Variants in TBCCD1 observed in about 807,000 individuals in gnomAD.
The protein encoded by TBCCD1 is TBCC domain-containing protein 1.
In TBCCD1, 26 loss-of-function variants were observed where a neutral mutation model predicts 53.4. That is an observed-to-expected ratio of 0.49 (90% confidence interval 0.36 to 0.68). The LOEUF is 0.68. Among genes scored for constraint, TBCCD1 ranks in the 30% least tolerant of loss-of-function variants. The pLI is 0.00. For synonymous variants in TBCCD1, 245 were observed against 241.7 expected (o/e 1.01, Z -0.13); for missense variants, 558 against 669.5 (o/e 0.83, Z 1.84).
upstream of TBCCD1, among the ~76,000 whole-genome samples, chr3:186,568,922 AG>A (rs58254119): frequency 0.12 from 18,029 of 146,002 alleles, 1,468 homozygotes; most frequent in African/African-American, 0.2. Flanking sequence ...AAAGAAATAA[AG>A]AAAAGAAAAC....
intron 6 of TBCCD1, chr3:186,553,731 T>C (rs1263942588): frequency 6.2e-6 from 1 of 161,794 alleles, no homozygotes; most frequent in East Asian, 1.9e-4. Context: ...ATTTGCCAAC[T>C]AAACTTTAGC....
At position 186,554,488 on chromosome 3, in the gene TBCCD1, G is replaced by A; in HGVS notation, c.1310C>T (p.Thr437Ile). The A allele has an allele frequency of 6.2e-7, 1 of 1,614,250 alleles. No individual in the cohort carries two copies. Residue 437 changes from threonine to isoleucine, a missense_variant, in exon 6 of 8, where the codon ACA (threonine) becomes ATA (isoleucine). By Grantham distance (89) the Thr-to-Ile change is moderately conservative. Coordinates refer to ENST00000338733, the MANE Select transcript of TBCCD1 (RefSeq NM_018138.5). ...EDHMARTGLA[T>I]VPNYWDNPMV... ...TGGATTATCCCAATAGTTAGGCACT[G>A]TAGCAAGGCCAGTCCTGGCCATATG... is the stretch of plus-strand genomic sequence containing the variant.
chr3:186,568,078 T>C (rs1274528123), upstream of TBCCD1, among the ~76,000 whole-genome samples: 1 of 152,312 alleles, frequency 6.6e-6, no homozygotes, highest in East Asian at 1.9e-4. Context: ...ATTTAGTTCC[T>C]CTTTTGTGTG....
intron 4 of TBCCD1, 36 bp downstream of exon 4, chr3:186,556,373 A>G (rs1714539408): frequency 1.3e-6 from 2 of 1,565,518 alleles, no homozygotes; most frequent in African/African-American, 2.8e-5. Flanking sequence ...TTAAGTTGTC[A>G]TTCAATTTAA....
In TBCCD1 at chr3:186,554,132, G is replaced by C. The variant is rs1462874897; in HGVS notation, c.1544+122C>G. 5 of 1,395,896 alleles carry C rather than the reference G, an allele frequency of 3.6e-6. No individual in the cohort carries two copies. The East Asian group carries it at 6.9e-5, about 19-fold the overall frequency. 86.5% of individuals were successfully genotyped at this position (1,395,896 alleles called of 1,614,324 possible). A position where few individuals can be genotyped will look rare whatever the true frequency, so the allele number is the denominator to read the frequency against. Reference sequence around the variant, plus strand: ...CAAAGTGCTGGGATTATAGGCGTGAGCCACCGCGCCCAGCCTTACATTTTT... The same window carrying C: ...CAAAGTGCTGGGATTATAGGCGTGACCCACCGCGCCCAGCCTTACATTTTT... On this transcript the variant is annotated intron_variant, in intron 6 of 7. Transcript: ENST00000338733.
At chr3:186,566,343 C>G (rs1283522239) in intron 1 of TBCCD1, among the ~76,000 whole-genome samples, 1 of 152,168 alleles carries the variant, frequency 6.6e-6, no homozygotes, top group African/African-American at 2.4e-5. Flanking sequence ...ACCCGGCCTG[C>G]CAACTGTGCC....
chr3:186,549,595 C>T (rs967091347), intron 7 of TBCCD1, among the ~76,000 whole-genome samples: 1 of 152,198 alleles, frequency 6.6e-6, no homozygotes, highest in African/African-American at 2.4e-5. Context: ...GAGTTGGAGG[C>T]TGCAGTGAGC....
At chr3:186,562,601 A>T (rs1475156021) in intron 2 of TBCCD1, among the ~76,000 whole-genome samples, 3 of 152,110 alleles carry the variant, frequency 2.0e-5, no homozygotes, top group Admixed American at 6.6e-5. Context: ...AGTTCTGAAG[A>T]TCTACTCTAC....
At position 186,554,907 on chromosome 3, in the gene TBCCD1, G is replaced by A. The variant is rs1336160231; in HGVS notation, c.1037C>T (p.Ser346Phe). 6 of 1,613,792 alleles carry A rather than the reference G, an allele frequency of 3.7e-6. No individual in the cohort carries two copies. The South Asian group carries it at 5.5e-5, about 15-fold the overall frequency. The change falls in exon 5 of 8, where the codon TCT becomes TTT. Residue 346 changes from serine (S) to phenylalanine (F), a missense_variant. Transcript: ENST00000338733. ...RCNESFIYLL[S>F]PLRSVTIEKC... ...TGAAAACTGTGCTTACCGTAAGGGAGAGAGCAGATATATAAAAGATTCGTT... is the reference window on the plus strand; with the variant it reads ...TGAAAACTGTGCTTACCGTAAGGGAAAGAGCAGATATATAAAAGATTCGTT...
chr3:186,555,114 G>C, intron 4 of TBCCD1, 30 bp from the exon 5 acceptor site: 2 of 1,562,248 alleles, frequency 1.3e-6, no homozygotes, highest in South Asian at 2.4e-5. Context: ...AATAGATGAG[G>C]CAGTATCAAA....
At chr3:186,570,512 C>A (rs116569634), upstream of TBCCD1, 189 of 491,042 alleles carry the variant, frequency 3.8e-4, 1 homozygote, top group Non-Finnish European at 6.0e-4. Flanking sequence ...TCAGGCAGAG[C>A]GGGTTCCTGC....
At position 186,556,739 on chromosome 3, in the gene TBCCD1, CA is replaced by C; in HGVS notation, c.528del (p.Tyr176Ter). The C allele has an allele frequency of 6.2e-7, 1 of 1,613,928 alleles. No individual in the cohort carries two copies. Among genetic ancestry groups the C allele is most frequent in the Non-Finnish European group, 8.5e-7 (1 of 1,179,952 alleles). ...WNDYSHQAFV[Y>X]DHLSDLLELL... ...AGCTCGAGGAGATCAGACAGATGAT[CA>C]TAGACAAAAGCTTGGTGACTGTAAT... On this transcript the variant is annotated frameshift_variant, in exon 4 of 8. Transcript: ENST00000338733. LOFTEE classifies it high-confidence loss of function.
At chr3:186,558,666 T>C in intron 2 of TBCCD1, 94 bp from the exon 3 acceptor site, 1 of 1,430,176 alleles carries the variant, frequency 7.0e-7, no homozygotes, top group Non-Finnish European at 9.4e-7. Context: ...ACAAGTTGGC[T>C]GATCCTAAAA....
intron 1 of TBCCD1, among the ~76,000 whole-genome samples, chr3:186,566,282 C>T (rs538342720): frequency 1.3e-5 from 2 of 152,314 alleles, no homozygotes; most frequent in Admixed American, 1.3e-4. Context: ...CTCAGGTGAT[C>T]CGCCTGCCTT....
chr3:186,565,733 C>T (rs1714809486), intron 1 of TBCCD1, among the ~76,000 whole-genome samples: 1 of 152,174 alleles, frequency 6.6e-6, no homozygotes, highest in Non-Finnish European at 1.5e-5. Context: ...GCTATCACTA[C>T]CATCTTTCTT....
intron 1 of TBCCD1, among the ~76,000 whole-genome samples, chr3:186,565,994 G>A (rs1714817451): frequency 6.6e-6 from 1 of 150,802 alleles, no homozygotes. Context: ...AAATTTTATT[G>A]CTATTATTAT....
upstream of TBCCD1, among the ~76,000 whole-genome samples, chr3:186,568,921 AAG>A (rs1177284899): frequency 1.6e-4 from 24 of 145,884 alleles, 1 homozygote; most frequent in Middle Eastern, 7.0e-3. Flanking sequence ...AAAAGAAATA[AAG>A]AAAAGAAAAC....
upstream of TBCCD1, among the ~76,000 whole-genome samples, chr3:186,569,511 G>A (rs183698991): frequency 2.0e-3 from 308 of 151,802 alleles, 3 homozygotes; most frequent in Middle Eastern, 0.014. Flanking sequence ...TAGAGACAGG[G>A]TTTCATCATG....
At chr3:186,553,374 A>C (rs1240700395) in intron 6 of TBCCD1, 1 of 152,190 alleles carries the variant, frequency 6.6e-6, no homozygotes, top group Non-Finnish European at 1.5e-5. Context: ...ATGATCATCC[A>C]TTTTTACAAC....
Sources: gnomAD v4.1 joint callset for allele counts (sites outside exome capture counted in the v4.1 genomes callset) on GRCh38, gnomAD v4.1.1 for gene constraint, MANE v1.5 for transcripts, NCBI Gene and HGNC (gene_info 2026-07-23, HGNC 2026-07-21) for gene names.